Variants in MTMR8 observed in about 807,000 individuals in gnomAD.
The protein encoded by MTMR8 is myotubularin related protein 8.
In MTMR8, 65 loss-of-function variants were observed where a neutral mutation model predicts 39.3. The ratio of observed to expected loss-of-function variants is 1.65; its 90% confidence interval spans 1.35 to 2.03. The LOEUF (loss-of-function observed/expected upper bound fraction) is 2.03, where lower values mean the gene tolerates loss of function less well. MTMR8 is among the 30% of genes most tolerant of loss of function. The pLI, the probability that MTMR8 is intolerant of heterozygous loss-of-function variation, is 0.00. For missense variants in MTMR8, 777 were observed against 538.9 expected (o/e 1.44, Z -4.37); for synonymous variants, 245 against 185.2 (o/e 1.32, Z -2.62).
At chrX:64,287,205 C>A (rs751632336) in intron 12 of MTMR8, among the ~76,000 whole-genome samples, 95 of 111,256 alleles carry the variant, frequency 8.5e-4, no homozygotes, top group African/African-American at 2.9e-3. Context: ...GAGTGAACTC[C>A]CATTCACAAT....
At chrX:64,298,554 A>G (rs1309975292) in intron 12 of MTMR8, among the ~76,000 whole-genome samples, 1 of 85,814 alleles carries the variant, frequency 1.2e-5, no homozygotes, top group Non-Finnish European at 2.0e-5. Flanking sequence ...TCTTTTCCTA[A>G]TTGAATACCC....
chrX:64,272,560 T>C (rs754149196), intron 12 of MTMR8, among the ~76,000 whole-genome samples: 7 of 111,340 alleles, frequency 6.3e-5, no homozygotes, highest in East Asian at 2.8e-4. Flanking sequence ...GACCAATATA[T>C]GCATTATGGG....
intron 1 of MTMR8, among the ~76,000 whole-genome samples, chrX:64,374,172 C>G (rs891549904): frequency 3.1e-4 from 35 of 111,719 alleles, no homozygotes; most frequent in Admixed American, 1.4e-3. Flanking sequence ...GAACCCAACT[C>G]AATGCAACAT....
intron 12 of MTMR8, among the ~76,000 whole-genome samples, chrX:64,315,500 T>A (rs1050732812): frequency 1.8e-5 from 2 of 112,055 alleles, no homozygotes; most frequent in African/African-American, 6.5e-5. Context: ...TCATCAGCCA[T>A]CTTGCCCAAA....
intron 2 of MTMR8, among the ~76,000 whole-genome samples, chrX:64,358,635 C>G (rs1923690289): frequency 9.0e-6 from 1 of 111,135 alleles, no homozygotes; most frequent in Non-Finnish European, 1.9e-5. Flanking sequence ...GGCTCTAAAG[C>G]TTTAATCACT....
chrX:64,363,869 C>T (rs1407952553), intron 1 of MTMR8, among the ~76,000 whole-genome samples: 1 of 111,626 alleles, frequency 9.0e-6, no homozygotes. Context: ...CCTGGAAAAT[C>T]GGGACACTCC....
intron 12 of MTMR8, among the ~76,000 whole-genome samples, chrX:64,316,354 G>T (rs954191540): frequency 8.9e-6 from 1 of 112,101 alleles, no homozygotes; most frequent in African/African-American, 3.2e-5. Flanking sequence ...CATTCCTAAA[G>T]AATATTTTTG....
At chrX:64,383,984 C>G (rs1377207061) in intron 1 of MTMR8, among the ~76,000 whole-genome samples, 1 of 111,762 alleles carries the variant, frequency 8.9e-6, no homozygotes, top group African/African-American at 3.3e-5. Flanking sequence ...CTTCTACTTT[C>G]TAGCCTGTAA....
intron 10 of MTMR8, 35 bp downstream of exon 10, chrX:64,336,044 C>T (rs1483285837): frequency 3.5e-6 from 4 of 1,127,587 alleles, no homozygotes; most frequent in East Asian, 3.1e-5. Flanking sequence ...ATGAACTATC[C>T]TCAGCCCCTT....
At chrX:64,375,306 G>A (rs1272124313) in intron 1 of MTMR8, among the ~76,000 whole-genome samples, 2 of 108,891 alleles carry the variant, frequency 1.8e-5, no homozygotes, top group African/African-American at 6.7e-5. Flanking sequence ...AGTGAGCTGA[G>A]AGCACACTAC....
At chrX:64,300,736 A>C (rs1476111253) in intron 12 of MTMR8, among the ~76,000 whole-genome samples, 10 of 104,179 alleles carry the variant, frequency 9.6e-5, no homozygotes, top group African/African-American at 3.5e-4. Context: ...TTCCATGTTT[A>C]GCGCTTCCTT....
chrX:64,377,313 C>T (rs909418600), intron 1 of MTMR8, among the ~76,000 whole-genome samples: 3 of 111,978 alleles, frequency 2.7e-5, no homozygotes, highest in Non-Finnish European at 5.6e-5. Flanking sequence ...ACAGCTTGCA[C>T]TGTGCACCTG....
chrX:64,389,402 C>A (rs756077510), intron 1 of MTMR8, among the ~76,000 whole-genome samples: 2 of 111,721 alleles, frequency 1.8e-5, no homozygotes, highest in South Asian at 3.8e-4. Flanking sequence ...ACCACAAAAA[C>A]CAGAAAATGA....
chrX:64,349,155 C>T lies in MTMR8; in HGVS notation c.598-361G>A, dbSNP rs761098911. On this transcript the variant is annotated intron_variant, in intron 5 of 13. Transcript: ENST00000374852. ...ATTGCCCACATAAACCATAAGCTTG[C>T]GGAGGCAGCAGAATTCAAGATAGAG... is the stretch of plus-strand genomic sequence containing the variant. Among the ~76,000 whole-genome samples the T allele has an allele frequency of 2.1e-4, 23 of 111,674 alleles. 1 individual carries two copies. Among genetic ancestry groups the T allele is most frequent in the Admixed American group, 9.5e-4 (10 of 10,478 alleles).
chrX:64,351,510 T>C (rs944242495), intron 4 of MTMR8, among the ~76,000 whole-genome samples: 4 of 111,343 alleles, frequency 3.6e-5, no homozygotes, highest in Non-Finnish European at 7.5e-5. Context: ...ATAGGATATA[T>C]GTATATAGGA....
intron 12 of MTMR8, among the ~76,000 whole-genome samples, chrX:64,276,753 T>C (rs1408999933): frequency 8.9e-6 from 1 of 111,834 alleles, no homozygotes; most frequent in Non-Finnish European, 1.9e-5. Context: ...GAATGTATAT[T>C]CTGTTGATTT....
chrX:64,342,545 G>T (rs1923246653), intron 8 of MTMR8, among the ~76,000 whole-genome samples: 1 of 112,139 alleles, frequency 8.9e-6, no homozygotes, highest in Non-Finnish European at 1.9e-5. Context: ...AATAAATTTG[G>T]TTTCAGAAAG....
chrX:64,348,392 G>A (rs891240323), intron 6 of MTMR8, among the ~76,000 whole-genome samples: 1 of 111,643 alleles, frequency 9.0e-6, no homozygotes, highest in African/African-American at 3.3e-5. Flanking sequence ...TAAAAAAGAT[G>A]AGGGATGTTA....
intron 12 of MTMR8, among the ~76,000 whole-genome samples, chrX:64,294,345 T>C (rs1171277891): frequency 9.0e-6 from 1 of 111,351 alleles, no homozygotes; most frequent in Non-Finnish European, 1.9e-5. Context: ...GGGTGAAGAG[T>C]ATATTTTTTC....
Sources: allele counts gnomAD v4.1 joint callset (sites outside exome capture counted in the v4.1 genomes callset), GRCh38; gene constraint gnomAD v4.1.1; transcripts MANE v1.5; gene names NCBI Gene and HGNC (gene_info 2026-07-23, HGNC 2026-07-21).